DAGLB: variants seen among roughly 807,000 people sequenced by gnomAD.
DAGLB encodes diacylglycerol lipase beta.
In DAGLB, 66 loss-of-function variants were observed where a neutral mutation model predicts 72.1. The observed-to-expected ratio is 0.92, with a 90% CI of 0.75 to 1.12. DAGLB has a LOEUF of 1.12. DAGLB is among the 50% of genes most tolerant of loss of function. The pLI is 0.00. For synonymous variants in DAGLB, 414 were observed against 359.5 expected, an observed-to-expected ratio of 1.15 and a Z score of -1.71; for missense variants, 1,065 against 884.9, an observed-to-expected ratio of 1.20 and a Z score of -2.58.
intron 9 of DAGLB, chr7:6,417,468 C>G (rs1481259020): frequency 6.5e-6 from 1 of 153,692 alleles, no homozygotes; most frequent in African/African-American, 2.4e-5. Context: ...TCCACAGATA[C>G]ATTTCTGTGG....
chr7:6,430,229 C>CG (rs1465437294), intron 6 of DAGLB, among the ~76,000 whole-genome samples: 1 of 89,408 alleles, frequency 1.1e-5, no homozygotes, highest in Non-Finnish European at 2.1e-5. Context: ...TAAAATGGTT[C>CG]GGGGAAAAAA....
At chr7:6,435,145 G>A in intron 3 of DAGLB, 125 bp from the exon 4 acceptor site, 1 of 1,396,654 alleles carries the variant, frequency 7.2e-7, no homozygotes, top group Non-Finnish European at 9.6e-7. Context: ...TACCGAGGAA[G>A]ATGCAGCTCT....
At chr7:6,426,538 G>A in intron 6 of DAGLB, among the ~76,000 whole-genome samples, 1 of 152,304 alleles carries the variant, frequency 6.6e-6, no homozygotes, top group East Asian at 1.9e-4. Flanking sequence ...CCAAAGTGCT[G>A]GGATTATAAG....
rs201050487 is a variant in DAGLB at position 6,412,826 on chromosome 7, G to C, written c.1554C>G (p.His518Gln). ...LKRRILRVVA[H>Q]CNKPKYKILL... ...ACCCGCTTACCTTGGGTTTATTGCA[G>C]TGCGCGACCACTCGCAAGATTCTTC... Residue 518 changes from histidine (H) to glutamine (Q), a missense_variant, in exon 13 of 15, where the codon CAC (histidine) becomes CAG (glutamine). Transcript: ENST00000297056. 6.3e-7 allele frequency: 1 copy of C among 1,591,120 alleles called. No individual in the cohort carries two copies.
At chr7:6,421,891 T>TGAA in intron 8 of DAGLB, 87 bp from the exon 9 acceptor site, 1 of 1,422,776 alleles carries the variant, frequency 7.0e-7, no homozygotes, top group Non-Finnish European at 9.7e-7. Flanking sequence ...CTGACACTTC[T>TGAA]GTGGAGGATG....
At chr7:6,444,591 G>A (rs1477218589) in intron 2 of DAGLB, among the ~76,000 whole-genome samples, 3 of 152,092 alleles carry the variant, frequency 2.0e-5, no homozygotes, top group Non-Finnish European at 2.9e-5. Flanking sequence ...AGCGGAGGGA[G>A]ACTCTATCTC....
In DAGLB at chr7:6,434,750, C is replaced by G; in HGVS notation, c.678+12G>C. The G allele has an allele frequency of 1.9e-6, 3 of 1,613,988 alleles. No homozygotes were observed. Among genetic ancestry groups the G allele is most frequent in the Non-Finnish European group, 2.5e-6 (3 of 1,179,884 alleles). On this transcript the variant is annotated intron_variant, in intron 4 of 14. Transcript: ENST00000297056. ...CAGAAGAAACAGACCAAACCAGATC[C>G]CCTCGGCTTACTGAAAAGTAGGTTG...
At chr7:6,412,663 C>A in intron 13 of DAGLB, 148 bp downstream of exon 13, 1 of 895,590 alleles carries the variant, frequency 1.1e-6, no homozygotes, top group Non-Finnish European at 1.7e-6. Flanking sequence ...AGAGTCCTAG[C>A]CCAGAATCTG....
chr7:6,414,495 G>C (rs138847737), intron 11 of DAGLB, among the ~76,000 whole-genome samples: 36 of 151,738 alleles, frequency 2.4e-4, no homozygotes, highest in African/African-American at 8.5e-4. Context: ...GTAAGGAACC[G>C]GGTCTATGTT....
chr7:6,426,476 G>GC (rs1219821008), intron 6 of DAGLB, among the ~76,000 whole-genome samples: 2 of 152,140 alleles, frequency 1.3e-5, no homozygotes, highest in South Asian at 2.1e-4. Context: ...CGCCATGTTG[G>GC]CCAGGATGGT....
intron 5 of DAGLB, among the ~76,000 whole-genome samples, chr7:6,431,851 C>A (rs975709699): frequency 6.6e-6 from 1 of 152,116 alleles, no homozygotes; most frequent in African/African-American, 2.4e-5. Flanking sequence ...CAGTTGATAA[C>A]GAAGATGCCT....
At chr7:6,424,863 C>T in intron 7 of DAGLB, 28 bp from the exon 8 acceptor site, 1 of 1,610,282 alleles carries the variant, frequency 6.2e-7, no homozygotes, top group Non-Finnish European at 8.5e-7. Flanking sequence ...AAGCATGGGG[C>T]CTAAACAGTG....
At chr7:6,444,638 T>C (rs1329695822) in intron 2 of DAGLB, among the ~76,000 whole-genome samples, 1 of 152,018 alleles carries the variant, frequency 6.6e-6, no homozygotes, top group Non-Finnish European at 1.5e-5. Context: ...ATCAATAGCC[T>C]AGTCTAAAAT....
At chr7:6,442,566 C>G (rs1784867836) in intron 2 of DAGLB, among the ~76,000 whole-genome samples, 1 of 152,196 alleles carries the variant, frequency 6.6e-6, no homozygotes, top group East Asian at 1.9e-4. Context: ...AATGCTGTAT[C>G]TGAAATGACA....
Position 6,417,013 on chromosome 7 carries a change from T to G in DAGLB, c.1219-92A>C, listed in dbSNP as rs1422910033. 5.7e-6 allele frequency: 8 copies of G among 1,393,680 alleles called. No homozygotes were observed. The African/African-American group carries it at 1.0e-4, about 17-fold the overall frequency. The allele number at this position is 1,393,680 out of a possible 1,614,324, so 86.3% of individuals were successfully genotyped here. A position where few individuals can be genotyped will look rare whatever the true frequency, so the allele number is the denominator to read the frequency against. On this transcript the variant is annotated intron_variant, in intron 9 of 14. Coordinates refer to ENST00000297056, the MANE Select transcript of DAGLB (RefSeq NM_139179.4). Reference sequence around the variant, plus strand: ...GATGGGATGACGCTGTGCACTGATGTGTGAGTCTCTCCTGGGATCTGAGAC... The same window carrying G: ...GATGGGATGACGCTGTGCACTGATGGGTGAGTCTCTCCTGGGATCTGAGAC...
chr7:6,412,416 G>A (rs187212043), intron 13 of DAGLB, among the ~76,000 whole-genome samples: 1 of 151,984 alleles, frequency 6.6e-6, no homozygotes, highest in African/African-American at 2.4e-5. Context: ...GGACTAAGAA[G>A]TTTGTCAGAA....
intron 9 of DAGLB, among the ~76,000 whole-genome samples, chr7:6,420,821 A>G (rs1784089878): frequency 6.6e-6 from 1 of 152,174 alleles, no homozygotes; most frequent in African/African-American, 2.4e-5. Flanking sequence ...AGGCAGCCTC[A>G]CACCCATAGC....
intron 2 of DAGLB, among the ~76,000 whole-genome samples, chr7:6,445,289 C>T (rs1353212994): frequency 1.3e-5 from 2 of 152,188 alleles, no homozygotes; most frequent in Non-Finnish European, 2.9e-5. Flanking sequence ...TGCTCTTATT[C>T]AGCCATCAAA....
intron 11 of DAGLB, among the ~76,000 whole-genome samples, chr7:6,414,168 G>A (rs1410352457): frequency 6.6e-6 from 1 of 151,726 alleles, no homozygotes; most frequent in Admixed American, 6.6e-5. Flanking sequence ...CCACCACCAC[G>A]CCCAGCTAAT....
Sources: gnomAD v4.1 joint callset for allele counts (sites outside exome capture counted in the v4.1 genomes callset) on GRCh38, gnomAD v4.1.1 for gene constraint, MANE v1.5 for transcripts, NCBI Gene and HGNC (gene_info 2026-07-23, HGNC 2026-07-21) for gene names.